ZNF536: variants seen among roughly 807,000 people sequenced by gnomAD.
ZNF536 encodes zinc finger protein 536.
ZNF536 carries 13 observed loss-of-function variants against 84.5 expected under a neutral mutation model. That is an observed-to-expected ratio of 0.15 (90% CI 0.10 to 0.24). The LOEUF (loss-of-function observed/expected upper bound fraction) is 0.24. ZNF536 is among the 10% of genes least tolerant of loss of function. The probability of loss-of-function intolerance (pLI) is 1.00; values close to 1 mark genes in which losing one functional copy is unlikely to be tolerated. For missense variants in ZNF536, 1,536 were observed against 1,747.5 expected, an observed-to-expected ratio of 0.88 and a Z score of 2.16; for synonymous variants, 811 against 742.5, an observed-to-expected ratio of 1.09 and a Z score of -1.50.
intron 2 of ZNF536, among the ~76,000 whole-genome samples, chr19:30,459,167 CA>C (rs1348710344): frequency 6.6e-6 from 1 of 152,042 alleles, no homozygotes; most frequent in Non-Finnish European, 1.5e-5. Flanking sequence ...CTATACAATA[CA>C]AACACAAACA....
intron 1 of ZNF536, among the ~76,000 whole-genome samples, chr19:30,692,097 G>A (rs2051436010): frequency 6.6e-6 from 1 of 152,218 alleles, no homozygotes. Flanking sequence ...TGAAATAGAC[G>A]AACTTGCTCC....
In ZNF536 at chr19:30,336,352, C is replaced by T. The variant is rs77658254; in HGVS notation, c.-119-16016C>T. Among the ~76,000 whole-genome samples, 312 of 152,226 alleles carry T rather than the reference C, an allele frequency of 2.0e-3. 1 individual carries two copies. The highest frequency in any genetic ancestry group is 5.0e-3 in the Admixed American group (76 of 15,292). Reference sequence around the variant, plus strand: ...TAGTAGGTGCTCAGTGAACATGTGCCGAATGAGCGGATGAATGAACAGGAC... The same window carrying T: ...TAGTAGGTGCTCAGTGAACATGTGCTGAATGAGCGGATGAATGAACAGGAC... On this transcript the variant is annotated intron_variant, in intron 2 of 5. Coordinates refer to the ZNF536 transcript ENST00000585628.
rs538744231 is a variant in ZNF536, at chr19:30,494,041, G to T, written c.2171-40806G>T. Reference sequence around the variant, plus strand: ...TTTCTTCTCAACCCTGCCCCTGTTTGCCCATCCCTCTCATTCAGCTATTTT... The same window carrying T: ...TTTCTTCTCAACCCTGCCCCTGTTTTCCCATCCCTCTCATTCAGCTATTTT... On this transcript the variant is annotated intron_variant, in intron 2 of 4. Coordinates refer to ENST00000355537, the MANE Select transcript of ZNF536 (RefSeq NM_014717.3). 2.0e-5 allele frequency among the ~76,000 whole-genome samples: 3 copies of T among 152,184 alleles called. No homozygotes were observed. In the South Asian group the frequency reaches 6.2e-4, roughly 32 times the overall value.
At chr19:30,426,269 A>G (rs960806277) in intron 1 of ZNF536, among the ~76,000 whole-genome samples, 1 of 152,236 alleles carries the variant, frequency 6.6e-6, no homozygotes, top group Non-Finnish European at 1.5e-5. Context: ...CTTCTGGAAA[A>G]GAACTCTATT....
chr19:30,522,283 A>AC (rs59462054), intron 2 of ZNF536, among the ~76,000 whole-genome samples: 1 of 42,374 alleles, frequency 2.4e-5, no homozygotes, highest in Admixed American at 2.5e-4. Context: ...ACATATATAT[A>AC]ATATATATAT....
intron 2 of ZNF536, among the ~76,000 whole-genome samples, chr19:30,309,067 G>A (rs1218637870): frequency 6.6e-6 from 1 of 151,974 alleles, no homozygotes; most frequent in East Asian, 1.9e-4. Context: ...AAAAAGTTCT[G>A]GAAAAGACAA....
intron 2 of ZNF536, among the ~76,000 whole-genome samples, chr19:30,292,686 G>A (rs1416624303): frequency 1.3e-5 from 2 of 152,092 alleles, no homozygotes. Context: ...AAAAAAAATT[G>A]TAATTATACA....
chr19:30,355,075 A>C (rs1962694440), intron 3 of ZNF536, among the ~76,000 whole-genome samples: 1 of 152,168 alleles, frequency 6.6e-6, no homozygotes, highest in South Asian at 2.1e-4. Context: ...GAAATACCCA[A>C]GGCTGGGTGA....
chr19:30,418,361 C>A (rs1459255809), intron 1 of ZNF536, among the ~76,000 whole-genome samples: 1 of 152,176 alleles, frequency 6.6e-6, no homozygotes, highest in South Asian at 2.1e-4. Flanking sequence ...CAGTCATTCC[C>A]ACCGTGGGTG....
chr19:30,494,999 A>G (rs1156381468), intron 2 of ZNF536, among the ~76,000 whole-genome samples: 2 of 151,740 alleles, frequency 1.3e-5, no homozygotes, highest in Admixed American at 1.3e-4. Flanking sequence ...TATGAAGCAC[A>G]TCAGATTGGT....
At chr19:30,412,545 T>C (rs2050538056) in intron 1 of ZNF536, among the ~76,000 whole-genome samples, 1 of 152,068 alleles carries the variant, frequency 6.6e-6, no homozygotes, top group South Asian at 2.1e-4. Context: ...ATATACCATA[T>C]GGTTCATTTC....
intron 2 of ZNF536, among the ~76,000 whole-genome samples, chr19:30,330,231 T>G (rs1336863612): frequency 6.6e-6 from 1 of 152,176 alleles, no homozygotes; most frequent in East Asian, 1.9e-4. Context: ...TGTGCTAAAT[T>G]CGATCATGTA....
rs2051659533 is a variant in ZNF536, at chr19:30,696,380, A to G, written c.170-14377A>G. ...AAAGACTAAATGCACTCACCCAGAG[A>G]CAAACTCTGGGTATCATTAGAGTAT... On this transcript the variant is annotated intron_variant, in intron 1 of 1. Coordinates refer to the ZNF536 transcript ENST00000592773. Among the ~76,000 whole-genome samples, 3 of 152,362 alleles carry G rather than the reference A, an allele frequency of 2.0e-5. No individual in the cohort carries two copies. The South Asian group carries it at 6.2e-4, about 32-fold the overall frequency.
chr19:30,225,735 G>T (rs1404931089), upstream of ZNF536, among the ~76,000 whole-genome samples: 5 of 145,478 alleles, frequency 3.4e-5, no homozygotes, highest in Non-Finnish European at 4.6e-5. Context: ...CGCGGCGCGG[G>T]GGGGCGGCGG....
intron 1 of ZNF536, among the ~76,000 whole-genome samples, chr19:30,601,918 G>A (rs1248770927): frequency 2.0e-5 from 3 of 152,208 alleles, no homozygotes; most frequent in African/African-American, 7.2e-5. Context: ...TAGCCAGGGT[G>A]AGAACTGTGT....
chr19:30,638,490 G>T (rs565837232), intron 1 of ZNF536, among the ~76,000 whole-genome samples: 1 of 152,262 alleles, frequency 6.6e-6, no homozygotes, highest in East Asian at 1.9e-4. Flanking sequence ...AAGCGTGAGA[G>T]GGGGGAAGTG....
At chr19:30,280,242 C>T (rs2045392334) in intron 1 of ZNF536, among the ~76,000 whole-genome samples, 1 of 152,000 alleles carries the variant, frequency 6.6e-6, no homozygotes, top group Non-Finnish European at 1.5e-5. Flanking sequence ...CCTCTCTTTC[C>T]TCCTGCCCCC....
chr19:30,586,718 A>G (rs1162105222), intron 1 of ZNF536, among the ~76,000 whole-genome samples: 6 of 152,330 alleles, frequency 3.9e-5, no homozygotes, highest in Middle Eastern at 3.4e-3. Context: ...CACCTGTAAA[A>G]TAGTGTGTGG....
chr19:30,531,065 C>T (rs1477909478), intron 2 of ZNF536, among the ~76,000 whole-genome samples: 1 of 152,244 alleles, frequency 6.6e-6, no homozygotes, highest in Non-Finnish European at 1.5e-5. Context: ...TTCATCTTCT[C>T]TCAGCATGAT....
Sources: gnomAD v4.1 joint callset for allele counts (sites outside exome capture counted in the v4.1 genomes callset) on GRCh38, gnomAD v4.1.1 for gene constraint, MANE v1.5 for transcripts, NCBI Gene and HGNC (gene_info 2026-07-23, HGNC 2026-07-21) for gene names.